Variants in SPIDR observed in about 807,000 individuals in gnomAD.
SPIDR encodes DNA repair-scaffolding protein.
A neutral mutation model predicts 104.6 loss-of-function variants in SPIDR; 93 were observed. The observed-to-expected ratio is 0.89, with a 90% CI of 0.75 to 1.06. The LOEUF (loss-of-function observed/expected upper bound fraction) is 1.06, where lower values mean the gene tolerates loss of function less well. Ranked by LOEUF, SPIDR falls within the 50% of genes least tolerant of loss-of-function variation. SPIDR has a pLI of 0.00. For synonymous variants in SPIDR, 431 were observed against 416.9 expected, an observed-to-expected ratio of 1.03 and a Z score of -0.41; for missense variants, 1,154 against 1,111.2, an observed-to-expected ratio of 1.04 and a Z score of -0.55.
chr8:47,319,748 C>T (rs1409397546), intron 5 of SPIDR, among the ~76,000 whole-genome samples: 3 of 152,152 alleles, frequency 2.0e-5, no homozygotes, highest in Non-Finnish European at 4.4e-5. Flanking sequence ...CAAACTGTCT[C>T]TCAGACCACA....
intron 5 of SPIDR, among the ~76,000 whole-genome samples, chr8:47,317,833 A>G (rs979832887): frequency 7.6e-4 from 115 of 152,308 alleles, no homozygotes; most frequent in African/African-American, 2.4e-3. Context: ...ACTCAGGGAA[A>G]CAGGGTGTGG....
chr8:47,531,581 C>G (rs564815814), intron 8 of SPIDR, among the ~76,000 whole-genome samples: 2 of 152,226 alleles, frequency 1.3e-5, no homozygotes, highest in African/African-American at 4.8e-5. Flanking sequence ...TTTTAAGGAG[C>G]CTGTTGAGGT....
chr8:47,353,350 C>T (rs981795231), intron 5 of SPIDR, among the ~76,000 whole-genome samples: 5 of 152,172 alleles, frequency 3.3e-5, no homozygotes, highest in South Asian at 4.1e-4. Context: ...CCAGCTGCAA[C>T]GCGTGAGAGT....
intron 5 of SPIDR, among the ~76,000 whole-genome samples, chr8:47,354,219 T>C (rs1554624229): frequency 6.6e-6 from 1 of 152,208 alleles, no homozygotes; most frequent in Non-Finnish European, 1.5e-5. Flanking sequence ...GAAAGGTGAC[T>C]TAGAAGCTAC....
At chr8:47,415,958 A>G (rs1436019669) in intron 7 of SPIDR, among the ~76,000 whole-genome samples, 3 of 152,246 alleles carry the variant, frequency 2.0e-5, no homozygotes, top group Non-Finnish European at 2.9e-5. Flanking sequence ...AAACATTTCC[A>G]TAGTTTGTTA....
At chr8:47,316,149 A>G (rs1554589342) in intron 5 of SPIDR, among the ~76,000 whole-genome samples, 1 of 152,206 alleles carries the variant, frequency 6.6e-6, no homozygotes, top group South Asian at 2.1e-4. Flanking sequence ...GGATTAGTAC[A>G]CACACTTCAT....
At chr8:47,682,411 G>T (rs1227428627) in intron 11 of SPIDR, among the ~76,000 whole-genome samples, 2 of 152,072 alleles carry the variant, frequency 1.3e-5, no homozygotes, top group Non-Finnish European at 2.9e-5. Context: ...ATGGGGTTGG[G>T]GTCTACTTTG....
At chr8:47,336,972 G>A (rs190600566) in intron 5 of SPIDR, among the ~76,000 whole-genome samples, 1 of 152,030 alleles carries the variant, frequency 6.6e-6, no homozygotes, top group African/African-American at 2.4e-5. Context: ...ATTCTAAGTG[G>A]GTGTGGAATG....
At chr8:47,330,210 T>A (rs1249142060) in intron 5 of SPIDR, among the ~76,000 whole-genome samples, 26 of 152,050 alleles carry the variant, frequency 1.7e-4, no homozygotes, top group Admixed American at 1.4e-3. Flanking sequence ...TTTTTTTTTT[T>A]AAAGCATCTT....
chr8:47,545,099 C>T (rs1430514331), intron 8 of SPIDR, among the ~76,000 whole-genome samples: 1 of 133,710 alleles, frequency 7.5e-6, no homozygotes, highest in Non-Finnish European at 1.6e-5. Flanking sequence ...TTCTTTCTTT[C>T]TTTCTTTCTT....
chr8:47,654,492 A>G (rs1588874146), intron 10 of SPIDR, among the ~76,000 whole-genome samples: 1 of 152,338 alleles, frequency 6.6e-6, no homozygotes, highest in Non-Finnish European at 1.5e-5. Context: ...TAACAGATCT[A>G]GAGAAAGAGA....
chr8:47,328,411 C>A (rs2048069068), intron 5 of SPIDR, among the ~76,000 whole-genome samples: 1 of 150,678 alleles, frequency 6.6e-6, no homozygotes, highest in Non-Finnish European at 1.5e-5. Context: ...CCAAGACTGG[C>A]TAATTATTTT....
intron 7 of SPIDR, among the ~76,000 whole-genome samples, chr8:47,428,480 G>A (rs1563947128): frequency 6.6e-6 from 1 of 152,118 alleles, no homozygotes. Context: ...AAGTCTCCTA[G>A]TATTATGTAT....
At chr8:47,482,331 A>T (rs185766299) in intron 8 of SPIDR, among the ~76,000 whole-genome samples, 24 of 152,186 alleles carry the variant, frequency 1.6e-4, no homozygotes, top group Admixed American at 5.2e-4. Flanking sequence ...GCTACTCAGG[A>T]GGCTGAGGTG....
At chr8:47,263,234 C>T (rs980758978) in intron 1 of SPIDR, among the ~76,000 whole-genome samples, 3 of 152,232 alleles carry the variant, frequency 2.0e-5, no homozygotes, top group Non-Finnish European at 4.4e-5. Flanking sequence ...TCACAGCCTC[C>T]ATAATATCTG....
At chr8:47,545,825 G>C (rs1283922500) in intron 8 of SPIDR, among the ~76,000 whole-genome samples, 1 of 152,038 alleles carries the variant, frequency 6.6e-6, no homozygotes, top group Non-Finnish European at 1.5e-5. Context: ...AGTTTTCTGA[G>C]AAGTTTTAAC....
chr8:47,711,131 A>G (rs1418124141), intron 14 of SPIDR, among the ~76,000 whole-genome samples: 1 of 152,116 alleles, frequency 6.6e-6, no homozygotes, highest in East Asian at 1.9e-4. Flanking sequence ...CTATTACTGT[A>G]TTCATTTTGA....
chr8:47,412,393 A>G (rs1160930557), intron 7 of SPIDR, among the ~76,000 whole-genome samples: 1 of 152,242 alleles, frequency 6.6e-6, no homozygotes, highest in African/African-American at 2.4e-5. Flanking sequence ...TGAATGCCAC[A>G]GGGACCATGC....
chr8:47,484,198 A>G (rs1200362182), intron 8 of SPIDR, among the ~76,000 whole-genome samples: 3 of 152,248 alleles, frequency 2.0e-5, no homozygotes, highest in Admixed American at 6.5e-5. Flanking sequence ...GGGAAGTTGC[A>G]GGTGTAATTT....
Sources: allele counts gnomAD v4.1 joint callset (sites outside exome capture counted in the v4.1 genomes callset), GRCh38; gene constraint gnomAD v4.1.1; transcripts MANE v1.5; gene names NCBI Gene and HGNC (gene_info 2026-07-23, HGNC 2026-07-21).